CACNG8: variants seen among roughly 807,000 people sequenced by gnomAD.
CACNG8 encodes the protein voltage-dependent calcium channel gamma-8 subunit.
A neutral mutation model predicts 26.9 loss-of-function variants in CACNG8; 5 were observed. That is an observed-to-expected ratio of 0.19 (90% confidence interval 0.10 to 0.39). CACNG8 has a LOEUF of 0.39. CACNG8 is among the 10% of genes least tolerant of loss of function. The pLI is 1.00. For missense variants in CACNG8, 473 were observed against 609.4 expected (o/e 0.78, Z 2.36); for synonymous variants, 321 against 296.7 (o/e 1.08, Z -0.84).
Position 53,982,650 on chromosome 19 carries a change from G to GA in CACNG8, c.1079_1080insA (p.Ala362GlyfsTer135). On this transcript the variant is annotated frameshift_variant, in exon 4 of 4. Transcript: ENST00000270458. LOFTEE classifies it high-confidence loss of function. The surrounding 1 kb of genome is among the most constrained non-coding windows in gnomAD (Gnocchi z 8.4). The stretch of plus-strand genomic sequence containing the variant: ...GGGGCGGGTGCCGAGCGGGACCGCG[G>GA]GGGGGCGTCCGGCTTCCTCACGCTG... 1 of 1,059,106 alleles carries GA rather than the reference G, an allele frequency of 9.4e-7. No individual in the cohort carries two copies. The highest frequency in any genetic ancestry group is 1.1e-6 in the Non-Finnish European group (1 of 879,398). The allele number at this position is 1,059,106 out of a possible 1,614,324, so 65.6% of individuals were successfully genotyped here.
Position 53,982,195 on chromosome 19 carries a change from C to T in CACNG8, c.624C>T (p.Phe208=), listed in dbSNP as rs772565793. Residue 208 remains phenylalanine (F), a synonymous_variant, in exon 4 of 4, where the codon TTC becomes TTT. Transcript: ENST00000270458. The surrounding 1 kb of genome is among the most constrained non-coding windows in gnomAD (Gnocchi z 8.4). Reference sequence around the variant, plus strand: ...ACTCGTACGGCTGGTCCTTCTACTTCGGCGGGCTGTCGTTCATCCTGGCCG... The same window carrying T: ...ACTCGTACGGCTGGTCCTTCTACTTTGGCGGGCTGTCGTTCATCCTGGCCG... The T allele has an allele frequency of 1.9e-6, 3 of 1,613,068 alleles. No individual in the cohort carries two copies. Among genetic ancestry groups the T allele is most frequent in the South Asian group, 2.2e-5 (2 of 91,054 alleles).
rs36089029 is a variant in CACNG8 at position 53,971,291 on chromosome 19, C to CAAAA, written c.284-6845_284-6842dup. ...TGGGCAACAGATTGAGGCCCTGTCT[C>CAAAA]AAAAAAAAAAAAAGAAAATTAAAAT... On this transcript the variant is annotated intron_variant, in intron 1 of 3. Coordinates refer to ENST00000270458, the MANE Select transcript of CACNG8 (RefSeq NM_031895.6). 1.1e-4 allele frequency among the ~76,000 whole-genome samples: 14 copies of CAAAA among 130,972 alleles called. No homozygotes were observed. In the South Asian group the frequency reaches 3.2e-3, roughly 30 times the overall value. The allele number at this position is 130,972 out of a possible 152,430, so 85.9% of individuals were successfully genotyped here.
intron 1 of CACNG8, among the ~76,000 whole-genome samples, chr19:53,974,981 G>A (rs1386091233): frequency 6.7e-6 from 1 of 148,312 alleles, no homozygotes; most frequent in Non-Finnish European, 1.5e-5. Context: ...ATGGAATCTT[G>A]CTCTGTCACC....
chr19:53,982,799 G>A lies in CACNG8; in HGVS notation c.1228G>A (p.Ala410Thr). Reference sequence around the variant, plus strand: ...CGCCCCCGGGACCCTGGCCAAGGAGGCCGCCGCCTCCAACACCAACACGCT... The same window carrying A: ...CGCCCCCGGGACCCTGGCCAAGGAGACCGCCGCCTCCAACACCAACACGCT... The change falls in exon 4 of 4, where the codon GCC becomes ACC. Residue 410 changes from alanine to threonine, a missense_variant. By Grantham distance (58) the Ala-to-Thr change is moderately conservative (BLOSUM62 0). Around this residue, in one of 6 missense-constraint regions of CACNG8, gnomAD observed 212 missense variants for 214.4 expected, o/e 0.99. Coordinates refer to ENST00000270458, the MANE Select transcript of CACNG8 (RefSeq NM_031895.6). The surrounding 1 kb of genome is among the most constrained non-coding windows in gnomAD (Gnocchi z 8.4). The A allele has an allele frequency of 1.5e-6, 2 of 1,369,902 alleles. No homozygotes were observed. Among genetic ancestry groups the A allele is most frequent in the Middle Eastern group, 2.8e-4 (1 of 3,628 alleles). 84.9% of individuals were successfully genotyped at this position (1,369,902 alleles called of 1,614,324 possible).
chr19:53,973,495 C>T (rs1370704551), intron 1 of CACNG8, among the ~76,000 whole-genome samples: 1 of 151,798 alleles, frequency 6.6e-6, no homozygotes, highest in Non-Finnish European at 1.5e-5. Context: ...TGCACTCCAG[C>T]CTGGGAAACA....
chr19:53,973,655 C>T (rs1304461646), intron 1 of CACNG8, among the ~76,000 whole-genome samples: 3 of 152,086 alleles, frequency 2.0e-5, no homozygotes, highest in Non-Finnish European at 2.9e-5. Context: ...AGTGAAACCC[C>T]GTCTCTACTA....
intron 1 of CACNG8, among the ~76,000 whole-genome samples, chr19:53,971,994 C>CT (rs202166106): frequency 4.0e-4 from 61 of 152,054 alleles, no homozygotes; most frequent in African/African-American, 1.2e-3. Flanking sequence ...GCCTAACTTC[C>CT]TTTTTTTTCA....
intron 2 of CACNG8, 136 bp from the exon 3 acceptor site, chr19:53,979,729 AAC>A (rs2069352665): frequency 4.6e-6 from 4 of 870,322 alleles, no homozygotes; most frequent in Non-Finnish European, 6.6e-6. Flanking sequence ...CAGTAAAATA[AAC>A]CAGAACACAG....
chr19:53,979,665 A>G (rs985931498), intron 2 of CACNG8, among the ~76,000 whole-genome samples: 3 of 152,178 alleles, frequency 2.0e-5, no homozygotes, highest in African/African-American at 4.8e-5. Flanking sequence ...AGAGGGAGAG[A>G]AAATCAGACC....
At chr19:53,978,107 A>G in intron 1 of CACNG8, 39 bp from the exon 2 acceptor site, 3 of 1,240,698 alleles carry the variant, frequency 2.4e-6, no homozygotes, top group Non-Finnish European at 3.5e-6. Flanking sequence ...CCCAACCCTG[A>G]AGTATCCGCC....
At chr19:53,976,977 C>T (rs540935009) in intron 1 of CACNG8, among the ~76,000 whole-genome samples, 1 of 152,310 alleles carries the variant, frequency 6.6e-6, no homozygotes, top group African/African-American at 2.4e-5. Context: ...CCGGCCTCAG[C>T]CCTTATTTCT....
chr19:53,967,217 G>A (rs907252551), intron 1 of CACNG8, among the ~76,000 whole-genome samples: 6 of 152,116 alleles, frequency 3.9e-5, no homozygotes, highest in African/African-American at 4.8e-5. Flanking sequence ...GAGAATCACC[G>A]CTCTAAGGCT....
chr19:53,967,418 G>C (rs2069277482), intron 1 of CACNG8, among the ~76,000 whole-genome samples: 2 of 152,342 alleles, frequency 1.3e-5, no homozygotes, highest in South Asian at 2.1e-4. Context: ...CCTATAAAGT[G>C]CCATATAGTA....
At chr19:53,966,082 TA>T (rs759331098) in intron 1 of CACNG8, among the ~76,000 whole-genome samples, 8,571 of 141,364 alleles carry the variant, frequency 0.061, 295 homozygotes, top group African/African-American at 0.1. Context: ...TTTTAAAAAT[TA>T]TTTATTTATT....
At chr19:53,969,292 C>T (rs1421106401) in intron 1 of CACNG8, among the ~76,000 whole-genome samples, 6 of 152,198 alleles carry the variant, frequency 3.9e-5, no homozygotes, top group East Asian at 1.9e-4. Flanking sequence ...TGTAAGCCAC[C>T]GCGCCCAGCC....
intron 2 of CACNG8, among the ~76,000 whole-genome samples, chr19:53,978,840 A>C (rs964954011): frequency 7.8e-6 from 1 of 127,480 alleles, no homozygotes; most frequent in African/African-American, 3.0e-5. Flanking sequence ...GGAGAAAGAG[A>C]GATAGACGAA....
At chr19:53,979,327 A>G (rs2145940134) in intron 2 of CACNG8, among the ~76,000 whole-genome samples, 1 of 151,986 alleles carries the variant, frequency 6.6e-6, no homozygotes, top group East Asian at 1.9e-4. Flanking sequence ...GAGGAGAAGA[A>G]GGGAAGAGAA....
intron 1 of CACNG8, 32 bp downstream of exon 1, chr19:53,963,457 C>T: frequency 1.4e-6 from 2 of 1,425,472 alleles, no homozygotes; most frequent in Admixed American, 2.8e-5. Context: ...CCGCAGCCCC[C>T]GCCGCTCCCC....
chr19:53,969,677 T>C (rs1481326046), intron 1 of CACNG8, among the ~76,000 whole-genome samples: 1 of 152,134 alleles, frequency 6.6e-6, no homozygotes, highest in Non-Finnish European at 1.5e-5. Flanking sequence ...CCCTGAGTCA[T>C]TGCGTCCTGC....
Sources: gnomAD v4.1 joint callset for allele counts (sites outside exome capture counted in the v4.1 genomes callset) on GRCh38, gnomAD v4.1.1 for gene constraint, gnomAD v4.1.1 regional missense constraint, Gnocchi (gnomAD v3.1) non-coding constraint, MANE v1.5 for transcripts, NCBI Gene and HGNC (gene_info 2026-07-23, HGNC 2026-07-21) for gene names.